PAX7: variants seen among roughly 807,000 people sequenced by gnomAD.
PAX7 encodes the protein paired box 7, also known as paired box protein Pax-7.
Under a neutral mutation model 50.7 loss-of-function variants are expected in PAX7, and 18 were observed. The observed-to-expected ratio is 0.36, with a 90% CI of 0.25 to 0.53. The LOEUF is 0.53. Ranked by LOEUF, PAX7 falls within the 20% of genes least tolerant of loss-of-function variation. PAX7 has a pLI of 0.93. For missense variants in PAX7, 644 were observed against 702.9 expected, an observed-to-expected ratio of 0.92 and a Z score of 0.95; for synonymous variants, 310 against 290.4, an observed-to-expected ratio of 1.07 and a Z score of -0.69.
At chr1:18,671,085 A>G (rs1161771122) in intron 4 of PAX7, among the ~76,000 whole-genome samples, 1 of 151,908 alleles carries the variant, frequency 6.6e-6, no homozygotes, top group Non-Finnish European at 1.5e-5. Context: ...AAGACCCCTC[A>G]CTGTTCCCTA....
intron 4 of PAX7, among the ~76,000 whole-genome samples, chr1:18,687,812 C>G (rs1361421893): frequency 6.6e-6 from 1 of 152,030 alleles, no homozygotes; most frequent in Non-Finnish European, 1.5e-5. Flanking sequence ...ATCTGTGGGC[C>G]CTGCTTGGCC....
chr1:18,641,210 G>T (rs991622225), intron 4 of PAX7, among the ~76,000 whole-genome samples: 1 of 152,246 alleles, frequency 6.6e-6, no homozygotes, highest in Non-Finnish European at 1.5e-5. Flanking sequence ...GTTGGAGGGG[G>T]ATGAATGAGC....
Position 18,744,897 on chromosome 1 carries a change from C to T in PAX7, c.1486C>T (p.Leu496Phe), listed in dbSNP as rs556804253. Residue 496 changes from leucine (L) to phenylalanine (F), a missense_variant, in exon 9 of 9, where the codon CTC (leucine) becomes TTC (phenylalanine). Coordinates refer to ENST00000420770, the MANE Select transcript of PAX7 (RefSeq NM_001135254.2). ...CGGGGAGCACTCTGCTGTGCTGGGACTCCTGCCTGTGGAAACTGGCCAGGC... is the reference window on the plus strand; with the variant it reads ...CGGGGAGCACTCTGCTGTGCTGGGATTCCTGCCTGTGGAAACTGGCCAGGC... ...KLGEHSAVLGLLPVETGQAY is the reference protein window; with the variant it reads ...KLGEHSAVLGFLPVETGQAY 5.8e-6 allele frequency: 9 copies of T among 1,554,612 alleles called. No individual in the cohort carries two copies. The highest frequency in any genetic ancestry group is 4.9e-5 in the East Asian group (2 of 41,160).
chr1:18,677,362 G>A lies in PAX7; in HGVS notation c.587-14392G>A, dbSNP rs79435033. ...ACTTTCTCATCAGCACTCCAGGACC[G>A]GCGCACAGCAGACCCATCTTTCGGA... On this transcript the variant is annotated intron_variant, in intron 4 of 8. Transcript: ENST00000420770. Among the ~76,000 whole-genome samples the A allele has an allele frequency of 1.0e-3, 154 of 152,274 alleles. 1 individual carries two copies. The highest frequency in any genetic ancestry group is 3.2e-3 in the African/African-American group (135 of 41,548).
At chr1:18,646,433 G>A (rs2088339774) in intron 4 of PAX7, among the ~76,000 whole-genome samples, 1 of 152,130 alleles carries the variant, frequency 6.6e-6, no homozygotes, top group Admixed American at 6.5e-5. Flanking sequence ...GGCGGTACCT[G>A]AGCCTCAGTT....
intron 4 of PAX7, among the ~76,000 whole-genome samples, chr1:18,638,717 A>T (rs2088200643): frequency 1.3e-5 from 2 of 150,524 alleles, no homozygotes; most frequent in Non-Finnish European, 3.0e-5. Context: ...ATGGGTGTGA[A>T]TGGGCAATAT....
chr1:18,731,767 G>T (rs992151977), intron 7 of PAX7, among the ~76,000 whole-genome samples: 1 of 152,074 alleles, frequency 6.6e-6, no homozygotes, highest in Non-Finnish European at 1.5e-5. Context: ...CCCCAGATGT[G>T]GATTTGATTT....
intron 8 of PAX7, among the ~76,000 whole-genome samples, chr1:18,739,993 G>A (rs1159210746): frequency 4.6e-5 from 7 of 152,176 alleles, no homozygotes; most frequent in South Asian, 2.1e-4. Flanking sequence ...CTGGGGCTGC[G>A]GGCTGACGAG....
intron 4 of PAX7, among the ~76,000 whole-genome samples, chr1:18,665,878 T>A (rs941000466): frequency 6.6e-6 from 1 of 151,740 alleles, no homozygotes; most frequent in Non-Finnish European, 1.5e-5. Flanking sequence ...CGCCACGTTG[T>A]CCAGGCTGGT....
At chr1:18,709,397 C>T (rs890127814) in intron 7 of PAX7, among the ~76,000 whole-genome samples, 3 of 152,254 alleles carry the variant, frequency 2.0e-5, no homozygotes, top group African/African-American at 4.8e-5. Context: ...AATTTCCCCA[C>T]ACACCGACCT....
intron 7 of PAX7, among the ~76,000 whole-genome samples, chr1:18,711,090 C>A (rs2100345052): frequency 6.6e-6 from 1 of 152,284 alleles, no homozygotes; most frequent in South Asian, 2.1e-4. Flanking sequence ...TCTCGGGAGG[C>A]CTCTCCCTCA....
At chr1:18,734,988 C>T (rs1053727984) in intron 7 of PAX7, among the ~76,000 whole-genome samples, 1 of 152,130 alleles carries the variant, frequency 6.6e-6, no homozygotes, top group African/African-American at 2.4e-5. Flanking sequence ...GGAACCTGGC[C>T]AGGCAGGGAA....
chr1:18,688,110 A>G (rs1360523705), intron 4 of PAX7, among the ~76,000 whole-genome samples: 3 of 152,196 alleles, frequency 2.0e-5, no homozygotes, highest in African/African-American at 4.8e-5. Flanking sequence ...TCACAACTCT[A>G]TATCTTGTCC....
intron 8 of PAX7, among the ~76,000 whole-genome samples, chr1:18,743,430 G>A (rs1931254781): frequency 1.3e-5 from 2 of 152,216 alleles, no homozygotes; most frequent in South Asian, 4.1e-4. Context: ...CACCTGCCCT[G>A]GGCAGGAACC....
chr1:18,724,076 G>C (rs2089525948), intron 7 of PAX7, among the ~76,000 whole-genome samples: 1 of 152,336 alleles, frequency 6.6e-6, no homozygotes, highest in African/African-American at 2.4e-5. Context: ...TCAGGCCGCT[G>C]CGTGCTCGGT....
chr1:18,742,148 CTT>C (rs61248648), intron 8 of PAX7, among the ~76,000 whole-genome samples: 47,180 of 103,236 alleles, frequency 0.46, 9,763 homozygotes, highest in Middle Eastern at 0.61. Context: ...AATGAGGCTT[CTT>C]TTTTTTTTTT....
chr1:18,735,726 C>T lies in PAX7; in HGVS notation c.1250C>T (p.Thr417Ile). 1.9e-6 allele frequency: 3 copies of T among 1,614,112 alleles called. No individual in the cohort carries two copies. The highest frequency in any genetic ancestry group is 2.5e-6 in the Non-Finnish European group (3 of 1,180,018). Residue 417 changes from threonine (T) to isoleucine (I), a missense_variant, in exon 8 of 9, where the codon ACC (threonine) becomes ATC (isoleucine). Coordinates refer to ENST00000420770, the MANE Select transcript of PAX7 (RefSeq NM_001135254.2). The surrounding 1 kb of genome is among the most constrained non-coding windows in gnomAD (Gnocchi z 4.0). ...SPLHGGLDSA[T>I]SISASCSQRA... ...CTGCATGGCGGCCTGGACTCGGCCA[C>T]CTCCATCTCAGCCAGCTGCAGCCAG...
chr1:18,690,142 C>A (rs1047454525), intron 4 of PAX7, among the ~76,000 whole-genome samples: 28 of 152,190 alleles, frequency 1.8e-4, no homozygotes, highest in African/African-American at 6.5e-4. Context: ...CCACTGCATA[C>A]CTAGCCTCTT....
intron 4 of PAX7, among the ~76,000 whole-genome samples, chr1:18,679,509 C>G (rs945450735): frequency 6.6e-6 from 1 of 152,180 alleles, no homozygotes; most frequent in African/African-American, 2.4e-5. Flanking sequence ...GCTCTTTCCC[C>G]TCTGCTGATT....
Sources: allele counts gnomAD v4.1 joint callset (sites outside exome capture counted in the v4.1 genomes callset), GRCh38; gene constraint gnomAD v4.1.1; non-coding constraint Gnocchi (gnomAD v3.1); transcripts MANE v1.5; gene names NCBI Gene and HGNC (gene_info 2026-07-23, HGNC 2026-07-21).